NLGN4X: variants seen among roughly 807,000 people sequenced by gnomAD.
NLGN4X encodes neuroligin 4 X-linked.
A neutral mutation model predicts 40.3 loss-of-function variants in NLGN4X; 3 were observed. The ratio of observed to expected loss-of-function variants is 0.07; its 90% CI spans 0.03 to 0.19. NLGN4X has a LOEUF of 0.19. Among genes scored for constraint, NLGN4X ranks in the 10% least tolerant of loss-of-function variants. NLGN4X has a pLI of 1.00. For missense variants in NLGN4X, 382 were observed against 708.3 expected, an observed-to-expected ratio of 0.54 and a Z score of 5.23; for synonymous variants, 270 against 306.8, an observed-to-expected ratio of 0.88 and a Z score of 1.25.
intron 1 of NLGN4X, chrX:6,186,954 T>C (rs1346820143): frequency 9.0e-6 from 1 of 110,576 alleles, no homozygotes; most frequent in African/African-American, 3.3e-5. Flanking sequence ...TCTCTAGAAA[T>C]TTAAAGGAAA....
intron 3 of NLGN4X, among the ~76,000 whole-genome samples, chrX:5,951,133 C>T (rs2034295343): frequency 8.9e-6 from 1 of 111,921 alleles, no homozygotes; most frequent in Admixed American, 9.5e-5. Flanking sequence ...TTACAGAAGA[C>T]ATTATCTTAC....
At chrX:6,110,441 A>G (rs933882942) in intron 2 of NLGN4X, among the ~76,000 whole-genome samples, 2 of 112,071 alleles carry the variant, frequency 1.8e-5, no homozygotes, top group African/African-American at 6.5e-5. Context: ...GTTTCTGTGC[A>G]TCCCTCCTTG....
chrX:6,080,049 G>A (rs1268008836), intron 2 of NLGN4X, among the ~76,000 whole-genome samples: 1 of 108,727 alleles, frequency 9.2e-6, no homozygotes, highest in Non-Finnish European at 1.9e-5. Flanking sequence ...CCTCTCTTTG[G>A]AGAGCTTACA....
chrX:6,004,811 T>C (rs771405211), intron 3 of NLGN4X, among the ~76,000 whole-genome samples: 1 of 112,160 alleles, frequency 8.9e-6, no homozygotes, highest in African/African-American at 3.2e-5. Flanking sequence ...TGCTTTTGAA[T>C]ATTCAGTAAT....
chrX:6,093,110 T>A (rs1324175552), intron 2 of NLGN4X, among the ~76,000 whole-genome samples: 1 of 110,497 alleles, frequency 9.1e-6, no homozygotes, highest in South Asian at 3.8e-4. Flanking sequence ...AAACAGGAGA[T>A]CTTAAATTTT....
In NLGN4X at chrX:6,070,313, C is replaced by A. The variant is rs1214872460; in HGVS notation, c.473-40881G>T. ...CATCAACAAACAAAAATGCATATAA[C>A]ACTTCAAAAAAGCAGGTACAAATTT... On this transcript the variant is annotated intron_variant, in intron 2 of 5. Coordinates refer to ENST00000381095, the MANE Select transcript of NLGN4X (RefSeq NM_181332.3). 3.6e-5 allele frequency among the ~76,000 whole-genome samples: 4 copies of A among 111,825 alleles called. No homozygotes were observed. In the South Asian group the frequency reaches 1.1e-3, roughly 31 times the overall value.
intron 1 of NLGN4X, among the ~76,000 whole-genome samples, chrX:6,156,501 T>A (rs1483116285): frequency 9.0e-6 from 1 of 111,628 alleles, no homozygotes; most frequent in Non-Finnish European, 1.9e-5. Context: ...AGAGCGAGAC[T>A]CCGTCTCAAA....
intron 3 of NLGN4X, among the ~76,000 whole-genome samples, chrX:5,950,298 G>A (rs2034265240): frequency 8.9e-6 from 1 of 112,259 alleles, no homozygotes; most frequent in African/African-American, 3.2e-5. Flanking sequence ...TATCAAATAT[G>A]TAGTAAAAAA....
chrX:6,090,458 T>C (rs947111865), intron 2 of NLGN4X, among the ~76,000 whole-genome samples: 1 of 111,081 alleles, frequency 9.0e-6, no homozygotes, highest in East Asian at 2.8e-4. Context: ...TTGAGACACA[T>C]AAAAGTAGAC....
At chrX:6,039,271 C>G (rs2037098358) in intron 2 of NLGN4X, among the ~76,000 whole-genome samples, 3 of 111,481 alleles carry the variant, frequency 2.7e-5, no homozygotes, top group African/African-American at 9.8e-5. Context: ...TAGCAGGTTG[C>G]ACAACAAAAG....
intron 1 of NLGN4X, among the ~76,000 whole-genome samples, chrX:6,204,204 G>C (rs1206478085): frequency 8.9e-6 from 1 of 112,276 alleles, no homozygotes; most frequent in Non-Finnish European, 1.9e-5. Flanking sequence ...CATGCAGCCT[G>C]GAATTACCAG....
chrX:5,951,072 T>C (rs767018372), intron 3 of NLGN4X, among the ~76,000 whole-genome samples: 6 of 112,424 alleles, frequency 5.3e-5, no homozygotes, highest in Non-Finnish European at 1.1e-4. Context: ...TGTTTCTTTC[T>C]TGACAATGAA....
intron 2 of NLGN4X, among the ~76,000 whole-genome samples, chrX:6,120,949 C>T (rs762695638): frequency 3.6e-5 from 4 of 111,944 alleles, no homozygotes; most frequent in Non-Finnish European, 7.5e-5. Context: ...TGCTAAATAA[C>T]ATCTACCATG....
At chrX:6,080,579 A>T (rs1227488970) in intron 2 of NLGN4X, among the ~76,000 whole-genome samples, 1 of 111,425 alleles carries the variant, frequency 9.0e-6, no homozygotes, top group Non-Finnish European at 1.9e-5. Flanking sequence ...TACTATCACT[A>T]CCTAATAAGA....
intron 1 of NLGN4X, among the ~76,000 whole-genome samples, chrX:6,221,391 TTATATATATATATATATATATA>T (rs60897428): frequency 1.3e-4 from 7 of 53,345 alleles, no homozygotes; most frequent in South Asian, 1.3e-3. Flanking sequence ...CCTTCTTATA[TTATATATATATATATATATATA>T]TATATATATA....
At chrX:6,076,284 C>G (rs988988254) in intron 2 of NLGN4X, among the ~76,000 whole-genome samples, 2 of 111,891 alleles carry the variant, frequency 1.8e-5, no homozygotes, top group African/African-American at 3.2e-5. Flanking sequence ...CGAGAACACC[C>G]AAAATGTAAA....
chrX:6,024,738 C>A (rs777771100), intron 3 of NLGN4X, among the ~76,000 whole-genome samples: 1 of 111,660 alleles, frequency 9.0e-6, no homozygotes, highest in South Asian at 3.8e-4. Context: ...AATGCCATGA[C>A]AATGTCAGGA....
At position 6,194,283 on chromosome X, in the gene NLGN4X, T is replaced by C. The variant is rs148627431; in HGVS notation, c.-306+34258A>G. 2.6e-4 allele frequency among the ~76,000 whole-genome samples: 29 copies of C among 112,440 alleles called. No individual in the cohort carries two copies. In the East Asian group the frequency reaches 7.8e-3, roughly 30 times the overall value. ...TATGTTTGCGTCAACTGAACAGATA[T>C]ATCATCTCCATTGGATCAGTTATCA... On this transcript the variant is annotated intron_variant, in intron 1 of 5. Coordinates refer to ENST00000381095, the MANE Select transcript of NLGN4X (RefSeq NM_181332.3).
intron 2 of NLGN4X, among the ~76,000 whole-genome samples, chrX:6,053,281 G>A (rs969689201): frequency 8.0e-5 from 9 of 111,944 alleles, no homozygotes; most frequent in African/African-American, 2.3e-4. Context: ...GTAATAACCC[G>A]GGAAGGAGCA....
Sources: gnomAD v4.1 joint callset for allele counts (sites outside exome capture counted in the v4.1 genomes callset) on GRCh38, gnomAD v4.1.1 for gene constraint, MANE v1.5 for transcripts, NCBI Gene and HGNC (gene_info 2026-07-23, HGNC 2026-07-21) for gene names.